TRIM24: variants seen among roughly 807,000 people sequenced by gnomAD.
TRIM24 encodes transcription intermediary factor 1-alpha.
TRIM24 carries 29 observed loss-of-function variants against 123.9 expected under a neutral mutation model. The ratio of observed to expected loss-of-function variants is 0.23; its 90% CI spans 0.17 to 0.32. The LOEUF (loss-of-function observed/expected upper bound fraction) is 0.32, where lower values mean the gene tolerates loss of function less well. TRIM24 is among the 10% of genes least tolerant of loss of function. The pLI is 1.00. For synonymous variants in TRIM24, 456 were observed against 461.1 expected (o/e 0.99, Z 0.14); for missense variants, 932 against 1,295.3 (o/e 0.72, Z 4.31).
intron 2 of TRIM24, among the ~76,000 whole-genome samples, chr7:138,505,454 CCTT>C (rs1342427263): frequency 1.3e-5 from 2 of 151,908 alleles, no homozygotes; most frequent in East Asian, 3.9e-4. Context: ...TTTAAGAAAG[CCTT>C]CTTTTCTGCA....
At chr7:138,558,518 G>A (rs1268931059) in intron 9 of TRIM24, among the ~76,000 whole-genome samples, 1 of 152,160 alleles carries the variant, frequency 6.6e-6, no homozygotes. Flanking sequence ...CACATGCATA[G>A]CATGAGGAGA....
Position 138,460,320 on chromosome 7 carries a change from G to A in TRIM24, c.-229G>A. Reference sequence around the variant, plus strand: ...CGGGGTGCAGCCTCCCCGGTGCGAGGAACGGTCTCCGCTGACAGATACCCT... The same window carrying A: ...CGGGGTGCAGCCTCCCCGGTGCGAGAAACGGTCTCCGCTGACAGATACCCT... On this transcript the variant is annotated 5_prime_UTR_variant, in exon 1 of 19. Transcript: ENST00000343526. The A allele has an allele frequency of 2.4e-6, 1 of 410,470 alleles. No individual in the cohort carries two copies. The highest frequency in any genetic ancestry group is 3.6e-5 in the East Asian group (1 of 27,408). 25.4% of individuals were successfully genotyped at this position (410,470 alleles called of 1,614,324 possible). A position where few individuals can be genotyped will look rare whatever the true frequency, so the allele number is the denominator to read the frequency against.
At chr7:138,471,324 C>T (rs1290245378) in intron 1 of TRIM24, among the ~76,000 whole-genome samples, 3 of 152,052 alleles carry the variant, frequency 2.0e-5, no homozygotes, top group African/African-American at 7.2e-5. Flanking sequence ...AGTACATGTT[C>T]AAATATTTGT....
chr7:138,530,659 G>A (rs1796712647), intron 6 of TRIM24, among the ~76,000 whole-genome samples: 1 of 151,668 alleles, frequency 6.6e-6, no homozygotes, highest in Admixed American at 6.6e-5. Flanking sequence ...AAGAGGGGGG[G>A]TTTTGACACG....
intron 1 of TRIM24, among the ~76,000 whole-genome samples, chr7:138,463,505 T>G (rs908894685): frequency 6.6e-6 from 1 of 152,216 alleles, no homozygotes; most frequent in Non-Finnish European, 1.5e-5. Context: ...GTGCTGGGAT[T>G]ACAGGTGTGA....
intron 1 of TRIM24, among the ~76,000 whole-genome samples, chr7:138,462,687 A>G (rs1795029595): frequency 6.6e-6 from 1 of 151,718 alleles, no homozygotes; most frequent in Admixed American, 6.6e-5. Context: ...TGAGTAAAAA[A>G]CAAACTGCCC....
Position 138,460,696 on chromosome 7 carries a change from C to A in TRIM24, c.148C>A (p.Leu50Ile), listed in dbSNP as rs779762177. ...DSERGGEAAR[L>I]NLLDTCAVCH... Reference sequence around the variant, plus strand: ...GGAGCGCGGCGGCGAGGCGGCCCGGCTCAACCTGTTGGACACTTGCGCCGT... The same window carrying A: ...GGAGCGCGGCGGCGAGGCGGCCCGGATCAACCTGTTGGACACTTGCGCCGT... Residue 50 changes from leucine (L) to isoleucine (I), a missense_variant, in exon 1 of 19, where the codon CTC becomes ATC. Transcript: ENST00000343526. The A allele has an allele frequency of 6.4e-7, 1 of 1,552,964 alleles. No homozygotes were observed.
chr7:138,504,840 C>A (rs1796117274), intron 2 of TRIM24, among the ~76,000 whole-genome samples: 3 of 150,370 alleles, frequency 2.0e-5, no homozygotes, highest in Admixed American at 6.7e-5. Context: ...GGCTCACTTC[C>A]ATCTCCTCCT....
chr7:138,563,446 G>A (rs984790839), intron 9 of TRIM24, among the ~76,000 whole-genome samples: 2 of 152,068 alleles, frequency 1.3e-5, no homozygotes, highest in Non-Finnish European at 2.9e-5. Context: ...GTCCACATCC[G>A]CACCCTCTTG....
intron 7 of TRIM24, among the ~76,000 whole-genome samples, chr7:138,542,267 A>C (rs1797019586): frequency 6.6e-6 from 1 of 152,136 alleles, no homozygotes; most frequent in Non-Finnish European, 1.5e-5. Flanking sequence ...ACTCATTTCT[A>C]ACTTTTGATT....
intron 1 of TRIM24, among the ~76,000 whole-genome samples, chr7:138,497,344 A>C (rs1303933369): frequency 6.7e-6 from 1 of 149,824 alleles, no homozygotes; most frequent in African/African-American, 2.5e-5. Context: ...CCAGTATTAC[A>C]GGTGTGAGCC....
At chr7:138,464,807 TA>T (rs913814830) in intron 1 of TRIM24, among the ~76,000 whole-genome samples, 1 of 152,070 alleles carries the variant, frequency 6.6e-6, no homozygotes, top group African/African-American at 2.4e-5. Flanking sequence ...CTTTAACACC[TA>T]AAAAAAATTT....
chr7:138,542,962 A>G (rs13236215), intron 7 of TRIM24, among the ~76,000 whole-genome samples: 1 of 152,102 alleles, frequency 6.6e-6, no homozygotes, highest in Non-Finnish European at 1.5e-5. Context: ...TACCTTCTGT[A>G]TTCTGTTACT....
At chr7:138,525,866 C>T (rs1238190000) in intron 5 of TRIM24, among the ~76,000 whole-genome samples, 2 of 152,208 alleles carry the variant, frequency 1.3e-5, no homozygotes, top group Non-Finnish European at 2.9e-5. Flanking sequence ...CTTACTTACA[C>T]AATTACTTGT....
intron 1 of TRIM24, among the ~76,000 whole-genome samples, chr7:138,476,638 A>T (rs954584650): frequency 2.0e-5 from 3 of 151,996 alleles, no homozygotes; most frequent in Non-Finnish European, 4.4e-5. Flanking sequence ...GTACAGCATT[A>T]TACTTTGACA....
chr7:138,573,296 C>G (rs1334781921), intron 11 of TRIM24, among the ~76,000 whole-genome samples: 1 of 152,064 alleles, frequency 6.6e-6, no homozygotes, highest in Non-Finnish European at 1.5e-5. Flanking sequence ...ATAGCGTCCT[C>G]AATATTTTAC....
At chr7:138,549,327 CA>C (rs1797163838) in intron 7 of TRIM24, among the ~76,000 whole-genome samples, 1 of 152,184 alleles carries the variant, frequency 6.6e-6, no homozygotes, top group Non-Finnish European at 1.5e-5. Context: ...GAGCCCTGGG[CA>C]TTCCAGCACA....
intron 1 of TRIM24, among the ~76,000 whole-genome samples, chr7:138,503,943 T>C (rs1305129468): frequency 6.6e-6 from 1 of 152,238 alleles, no homozygotes; most frequent in Admixed American, 6.5e-5. Context: ...AGAGAAAACC[T>C]GAGCTCCTTG....
At chr7:138,512,935 A>G (rs966798381) in intron 2 of TRIM24, among the ~76,000 whole-genome samples, 24 of 152,184 alleles carry the variant, frequency 1.6e-4, no homozygotes, top group African/African-American at 5.8e-4. Flanking sequence ...TTCCAACTTC[A>G]GGTCACTTAT....
Sources: allele counts gnomAD v4.1 joint callset (sites outside exome capture counted in the v4.1 genomes callset), GRCh38; gene constraint gnomAD v4.1.1; transcripts MANE v1.5; gene names NCBI Gene and HGNC (gene_info 2026-07-23, HGNC 2026-07-21).